DYM: variants seen among roughly 807,000 people sequenced by gnomAD.
DYM encodes dyggve-Melchior-Clausen syndrome protein.
DYM carries 78 observed loss-of-function variants against 93.1 expected under a neutral mutation model. That is an observed-to-expected ratio of 0.84 (90% confidence interval 0.70 to 1.01). The LOEUF (loss-of-function observed/expected upper bound fraction) is 1.01, where lower values mean the gene tolerates loss of function less well. DYM is among the 50% of genes least tolerant of loss of function. DYM has a pLI of 0.00. For missense variants in DYM, 789 were observed against 845.0 expected, an observed-to-expected ratio of 0.93 and a Z score of 0.82; for synonymous variants, 321 against 319.7, an observed-to-expected ratio of 1.00 and a Z score of -0.04.
intron 8 of DYM, among the ~76,000 whole-genome samples, chr18:49,310,989 T>A (rs1199096627): frequency 6.6e-6 from 1 of 152,190 alleles, no homozygotes; most frequent in African/African-American, 2.4e-5. Context: ...AATATAAAAA[T>A]GATGAATTAA....
chr18:49,330,638 C>CA (rs1402715766), intron 8 of DYM, among the ~76,000 whole-genome samples: 7 of 152,072 alleles, frequency 4.6e-5, no homozygotes, highest in East Asian at 1.9e-4. Flanking sequence ...TCTGCCACCC[C>CA]AAAAAAACCT....
At chr18:49,195,511 C>T (rs2091355827) in intron 14 of DYM, among the ~76,000 whole-genome samples, 1 of 152,142 alleles carries the variant, frequency 6.6e-6, no homozygotes, top group African/African-American at 2.4e-5. Flanking sequence ...TTCTAGCTAG[C>T]TATAATTTTG....
At chr18:49,062,061 CAG>C (rs2076023338) in intron 17 of DYM, among the ~76,000 whole-genome samples, 1 of 152,174 alleles carries the variant, frequency 6.6e-6, no homozygotes, top group Non-Finnish European at 1.5e-5. Flanking sequence ...GCAGTAGCTG[CAG>C]AGACAAGCCT....
intron 8 of DYM, among the ~76,000 whole-genome samples, chr18:49,291,970 T>G (rs2060139749): frequency 6.6e-6 from 1 of 152,186 alleles, no homozygotes; most frequent in African/African-American, 2.4e-5. Flanking sequence ...TCAGCTCCAA[T>G]ATCCATCACT....
chr18:49,443,159 T>C (rs1246903973), intron 1 of DYM, among the ~76,000 whole-genome samples: 1 of 152,202 alleles, frequency 6.6e-6, no homozygotes, highest in Non-Finnish European at 1.5e-5. Flanking sequence ...GATTTTTACA[T>C]TTTTAAATCG....
At chr18:49,218,721 C>A (rs1427779979) in intron 13 of DYM, among the ~76,000 whole-genome samples, 1 of 152,120 alleles carries the variant, frequency 6.6e-6, no homozygotes, top group East Asian at 1.9e-4. Context: ...AACAAAGACA[C>A]AACATACCAG....
At chr18:49,143,019 C>A (rs538645937) in intron 15 of DYM, among the ~76,000 whole-genome samples, 21 of 152,308 alleles carry the variant, frequency 1.4e-4, no homozygotes, top group Admixed American at 3.3e-4. Context: ...TTCTTACTTT[C>A]CATTCCTGAA....
chr18:49,271,140 A>G (rs1185770791), intron 11 of DYM, among the ~76,000 whole-genome samples: 2 of 152,176 alleles, frequency 1.3e-5, no homozygotes. Context: ...GTCCAAAAAG[A>G]AAATTCGGTA....
intron 13 of DYM, among the ~76,000 whole-genome samples, chr18:49,212,615 C>G (rs2092832934): frequency 1.3e-5 from 2 of 152,000 alleles, no homozygotes; most frequent in Admixed American, 6.6e-5. Flanking sequence ...CTTACCTCAG[C>G]CTCCCAAATA....
chr18:49,245,557 T>C (rs1444637991), intron 13 of DYM, among the ~76,000 whole-genome samples: 1 of 152,208 alleles, frequency 6.6e-6, no homozygotes, highest in Non-Finnish European at 1.5e-5. Flanking sequence ...TCAGGCTTAC[T>C]AGCATTGGGA....
At chr18:49,169,652 T>C (rs1353616998) in intron 14 of DYM, among the ~76,000 whole-genome samples, 6 of 152,224 alleles carry the variant, frequency 3.9e-5, no homozygotes, top group Admixed American at 3.9e-4. Flanking sequence ...TGTGCCTCTA[T>C]GTCCTAAGCC....
chr18:49,190,961 T>C (rs1213969268), intron 14 of DYM, among the ~76,000 whole-genome samples: 1 of 152,202 alleles, frequency 6.6e-6, no homozygotes, highest in East Asian at 1.9e-4. Flanking sequence ...TAATCAACTG[T>C]ATATTTTTTA....
intron 11 of DYM, among the ~76,000 whole-genome samples, chr18:49,269,342 C>T (rs936842398): frequency 1.3e-5 from 2 of 152,028 alleles, no homozygotes; most frequent in East Asian, 1.9e-4. Flanking sequence ...GAAACAGAAC[C>T]CTTACACACT....
intron 14 of DYM, among the ~76,000 whole-genome samples, chr18:49,206,795 T>C (rs1301201397): frequency 1.3e-5 from 2 of 152,138 alleles, no homozygotes; most frequent in Non-Finnish European, 2.9e-5. Context: ...GGGCTTGATA[T>C]TGAAAAAATA....
At chr18:49,219,990 T>C (rs2144003801) in intron 13 of DYM, among the ~76,000 whole-genome samples, 1 of 151,070 alleles carries the variant, frequency 6.6e-6, no homozygotes, top group South Asian at 2.1e-4. Flanking sequence ...GACATGATTG[T>C]ATATCTAGAA....
chr18:49,080,417 G>A (rs1267739966), intron 17 of DYM, among the ~76,000 whole-genome samples: 5 of 135,380 alleles, frequency 3.7e-5, no homozygotes, highest in African/African-American at 1.4e-4. Context: ...CGGACGGGGT[G>A]GCTGGCCCGG....
At chr18:49,393,076 G>T (rs72912553) in intron 2 of DYM, among the ~76,000 whole-genome samples, 14,342 of 82,336 alleles carry the variant, frequency 0.17, 2,476 homozygotes, top group Non-Finnish European at 0.29. Context: ...GGAGGAGGAG[G>T]AAAGAAGGGA....
intron 17 of DYM, among the ~76,000 whole-genome samples, chr18:49,090,624 G>A (rs1387411317): frequency 6.6e-6 from 1 of 152,182 alleles, no homozygotes; most frequent in Non-Finnish European, 1.5e-5. Context: ...GGAAAGTAGA[G>A]AGAATGAACC....
intron 2 of DYM, among the ~76,000 whole-genome samples, chr18:49,401,046 C>T (rs185517381): frequency 6.6e-6 from 1 of 152,186 alleles, no homozygotes; most frequent in African/African-American, 2.4e-5. Flanking sequence ...CAGATTTGGG[C>T]AGTAAAAACA....
Sources: gnomAD v4.1 joint callset for allele counts (sites outside exome capture counted in the v4.1 genomes callset) on GRCh38, gnomAD v4.1.1 for gene constraint, MANE v1.5 for transcripts, NCBI Gene and HGNC (gene_info 2026-07-23, HGNC 2026-07-21) for gene names.